Variants in KCNN2 observed in about 807,000 individuals in gnomAD.
The protein encoded by KCNN2 is potassium calcium-activated channel subfamily N member 2, also known as small conductance calcium-activated potassium channel protein 2.
Under a neutral mutation model 55.5 loss-of-function variants are expected in KCNN2, and 24 were observed. The ratio of observed to expected loss-of-function variants is 0.43; its 90% CI spans 0.31 to 0.61. The LOEUF (loss-of-function observed/expected upper bound fraction) is 0.61, where lower values mean the gene tolerates loss of function less well. Ranked by LOEUF, KCNN2 falls within the 20% of genes least tolerant of loss-of-function variation. The probability of loss-of-function intolerance (pLI) is 0.08; values close to 1 mark genes in which losing one functional copy is unlikely to be tolerated. For synonymous variants in KCNN2, 431 were observed against 336.1 expected (o/e 1.28, Z -3.09); for missense variants, 754 against 853.6 (o/e 0.88, Z 1.45).
intron 2 of KCNN2, among the ~76,000 whole-genome samples, chr5:114,331,886 G>T (rs1756828847): frequency 2.6e-5 from 4 of 152,124 alleles, no homozygotes; most frequent in Admixed American, 2.0e-4. Flanking sequence ...ATTGAGCACT[G>T]CACCTGTAAG....
At chr5:114,162,412 A>G (rs1477968007) in intron 1 of KCNN2, among the ~76,000 whole-genome samples, 7 of 152,066 alleles carry the variant, frequency 4.6e-5, no homozygotes, top group African/African-American at 1.7e-4. Context: ...GTCCGCCCCT[A>G]CTGGGGGGTG....
At chr5:114,363,663 A>G (rs757995256) in intron 1 of KCNN2, among the ~76,000 whole-genome samples, 1 of 152,044 alleles carries the variant, frequency 6.6e-6, no homozygotes, top group Non-Finnish European at 1.5e-5. Flanking sequence ...TCGGTCCTCT[A>G]TGGCGTGGAC....
chr5:114,233,299 C>A (rs1212391133), intron 2 of KCNN2, among the ~76,000 whole-genome samples: 4 of 152,086 alleles, frequency 2.6e-5, no homozygotes, highest in Non-Finnish European at 5.9e-5. Flanking sequence ...TGCAACACTC[C>A]TTTTATTAAG....
At chr5:114,364,406 T>C (rs1235254829) in intron 2 of KCNN2, among the ~76,000 whole-genome samples, 2 of 152,164 alleles carry the variant, frequency 1.3e-5, no homozygotes. Context: ...ATCTATATAA[T>C]CTTCTGTAAT....
At chr5:114,375,725 T>A (rs1018497775) in intron 2 of KCNN2, among the ~76,000 whole-genome samples, 5 of 151,910 alleles carry the variant, frequency 3.3e-5, no homozygotes, top group Non-Finnish European at 1.5e-5. Context: ...TTGTTCTTAT[T>A]TGTCAGCATC....
At chr5:114,222,638 A>T (rs3935351) in intron 2 of KCNN2, among the ~76,000 whole-genome samples, 128,732 of 152,136 alleles carry the variant, frequency 0.85, 54,540 homozygotes, top group East Asian at 0.9. Flanking sequence ...AGCTGTGGGT[A>T]TGGCACAATT....
intron 6 of KCNN2, among the ~76,000 whole-genome samples, chr5:114,489,311 A>C (rs2150139358): frequency 6.6e-6 from 1 of 152,264 alleles, no homozygotes; most frequent in Non-Finnish European, 1.5e-5. Context: ...GAAAAAAAGT[A>C]TTTGGGGAAG....
chr5:114,437,947 T>A (rs1298165040), intron 3 of KCNN2, among the ~76,000 whole-genome samples: 2 of 152,188 alleles, frequency 1.3e-5, no homozygotes, highest in African/African-American at 4.8e-5. Flanking sequence ...CCCAGAAAAT[T>A]ATCATCCAGT....
At chr5:114,269,494 C>CTT (rs67045907) in intron 2 of KCNN2, among the ~76,000 whole-genome samples, 15 of 144,208 alleles carry the variant, frequency 1.0e-4, no homozygotes, top group East Asian at 2.1e-4. Context: ...TGGTTCTCAC[C>CTT]TTTTTTTTTT....
intron 2 of KCNN2, among the ~76,000 whole-genome samples, chr5:114,375,208 A>G (rs1157442245): frequency 2.0e-5 from 3 of 152,086 alleles, no homozygotes; most frequent in African/African-American, 7.2e-5. Flanking sequence ...CTAGCTTTGG[A>G]TAGTAGAGTA....
intron 1 of KCNN2, among the ~76,000 whole-genome samples, chr5:114,099,507 C>T: frequency 6.6e-6 from 1 of 151,964 alleles, no homozygotes; most frequent in South Asian, 2.1e-4. Flanking sequence ...ACTCTGTTGC[C>T]CAGGGTGGAA....
chr5:114,116,923 C>T (rs6867558), intron 1 of KCNN2, among the ~76,000 whole-genome samples: 4,947 of 152,152 alleles, frequency 0.033, 273 homozygotes, highest in African/African-American at 0.11. Flanking sequence ...CCATCTGCTT[C>T]CATGAGTATA....
rs34000645 is a variant in KCNN2 at position 114,315,421 on chromosome 5, C to CTGTGTG, written c.-184-45484_-184-45479dup. On this transcript the variant is annotated intron_variant, in intron 2 of 10. Transcript: ENST00000512097. ...GTGTACCACCCATGGAAGGCAGAAA[C>CTGTGTG]TGTGTGTGTGTGTGTGTGTGTGTGT... Among the ~76,000 whole-genome samples, 51 of 142,996 alleles carry CTGTGTG rather than the reference C, an allele frequency of 3.6e-4. 1 individual carries two copies. Among genetic ancestry groups the CTGTGTG allele is most frequent in the Admixed American group, 1.3e-3 (18 of 14,178 alleles). 93.8% of individuals were successfully genotyped at this position (142,996 alleles called of 152,430 possible).
chr5:114,441,006 C>T (rs1174759571), intron 3 of KCNN2, among the ~76,000 whole-genome samples: 1 of 152,018 alleles, frequency 6.6e-6, no homozygotes. Context: ...AAAGATACAA[C>T]AGGCAACTAC....
In KCNN2 at chr5:114,260,818, C is replaced by A. The variant is rs1429196190; in HGVS notation, c.-185+39253C>A. On this transcript the variant is annotated intron_variant, in intron 2 of 10. Coordinates refer to the KCNN2 transcript ENST00000512097. ...ATTGGGTGCAGGTGGCTTTCATTTG[C>A]ATATGTAAAATGGGCAGTGCTCCCA... Among the ~76,000 whole-genome samples, 5 of 152,094 alleles carry A rather than the reference C, an allele frequency of 3.3e-5. No homozygotes were observed. The East Asian group carries it at 7.7e-4, about 23-fold the overall frequency.
chr5:114,276,493 C>G (rs1382952739), intron 2 of KCNN2, among the ~76,000 whole-genome samples: 1 of 152,042 alleles, frequency 6.6e-6, no homozygotes, highest in Non-Finnish European at 1.5e-5. Flanking sequence ...TAAGAATTTG[C>G]TTTATGAATC....
chr5:114,149,734 T>C (rs1177128063), intron 1 of KCNN2, among the ~76,000 whole-genome samples: 1 of 152,190 alleles, frequency 6.6e-6, no homozygotes, highest in Non-Finnish European at 1.5e-5. Flanking sequence ...AGTCTTTCCA[T>C]AACCTATGAT....
intron 1 of KCNN2, among the ~76,000 whole-genome samples, chr5:114,136,151 G>C (rs1200987017): frequency 6.6e-6 from 1 of 152,116 alleles, no homozygotes; most frequent in East Asian, 1.9e-4. Context: ...ACAAATAAAA[G>C]GACCTTGCAA....
intron 1 of KCNN2, among the ~76,000 whole-genome samples, chr5:114,068,473 C>T (rs976482487): frequency 4.6e-5 from 7 of 152,204 alleles, no homozygotes; most frequent in Non-Finnish European, 1.0e-4. Context: ...ACCTTGGCCT[C>T]ACATTCACAG....
Sources: allele counts gnomAD v4.1 joint callset (sites outside exome capture counted in the v4.1 genomes callset), GRCh38; gene constraint gnomAD v4.1.1; transcripts MANE v1.5; gene names NCBI Gene and HGNC (gene_info 2026-07-23, HGNC 2026-07-21).